SUGCT: variants seen among roughly 807,000 people sequenced by gnomAD.
SUGCT encodes the protein succinyl-CoA:glutarate-CoA transferase.
SUGCT carries 41 observed loss-of-function variants against 55.0 expected under a neutral mutation model. That is an observed-to-expected ratio of 0.74 (90% CI 0.58 to 0.97). SUGCT has a LOEUF of 0.97. Among genes scored for constraint, SUGCT ranks in the 50% least tolerant of loss-of-function variants. SUGCT has a pLI of 0.00. For missense variants in SUGCT, 568 were observed against 547.8 expected (o/e 1.04, Z -0.37); for synonymous variants, 187 against 200.4 (o/e 0.93, Z 0.56).
chr7:40,986,985 CTA>C, the SUGCT span, among the ~76,000 whole-genome samples: 1 of 152,096 alleles, frequency 6.6e-6, no homozygotes, highest in East Asian at 1.9e-4. Flanking sequence ...TCTGTATATT[CTA>C]TGTTTTTCCT....
At chr7:40,764,012 G>T (rs538260441) in intron 13 of SUGCT, among the ~76,000 whole-genome samples, 1 of 152,046 alleles carries the variant, frequency 6.6e-6, no homozygotes, top group Admixed American at 6.6e-5. Flanking sequence ...TTCCCCAACT[G>T]TCCTGCAGCA....
At chr7:40,341,708 A>C (rs1797059271) in intron 9 of SUGCT, among the ~76,000 whole-genome samples, 1 of 152,198 alleles carries the variant, frequency 6.6e-6, no homozygotes, top group South Asian at 2.1e-4. Context: ...AACTACACTA[A>C]ACTTGTAAAA....
intron 7 of SUGCT, among the ~76,000 whole-genome samples, chr7:40,264,163 C>T (rs1791402604): frequency 6.6e-6 from 1 of 152,164 alleles, no homozygotes; most frequent in Non-Finnish European, 1.5e-5. Flanking sequence ...AACTCGTGTA[C>T]TTTCCTGCTT....
chr7:40,204,463 C>T (rs545016856), intron 6 of SUGCT, among the ~76,000 whole-genome samples: 1 of 152,074 alleles, frequency 6.6e-6, no homozygotes, highest in East Asian at 1.9e-4. Context: ...CCACCATGCC[C>T]GACTAATTTT....
intron 7 of SUGCT, among the ~76,000 whole-genome samples, chr7:40,265,418 A>G (rs1208804376): frequency 1.3e-5 from 2 of 152,170 alleles, no homozygotes; most frequent in Non-Finnish European, 2.9e-5. Flanking sequence ...AAGATTTTAG[A>G]AACTTAGAAA....
intron 6 of SUGCT, among the ~76,000 whole-genome samples, chr7:40,222,997 C>T (rs200992833): frequency 0.022 from 1,465 of 67,484 alleles, 29 homozygotes; most frequent in African/African-American, 0.09. Context: ...TTCCTTCCTT[C>T]CTTCCTTCCT....
intron 13 of SUGCT, among the ~76,000 whole-genome samples, chr7:40,774,777 T>TAAAAAAAAAA (rs5883739): frequency 7.5e-6 from 1 of 132,628 alleles, no homozygotes. Flanking sequence ...TTTTGGCAAA[T>TAAAAAAAAAA]AAAAAAAAAA....
At chr7:40,170,315 T>C (rs1025191797) in intron 1 of SUGCT, among the ~76,000 whole-genome samples, 12 of 152,204 alleles carry the variant, frequency 7.9e-5, no homozygotes, top group Non-Finnish European at 7.3e-5. Context: ...TATCTCTCCA[T>C]GTCAGATCAA....
chr7:40,468,238 C>T (rs1329596488), intron 11 of SUGCT, among the ~76,000 whole-genome samples: 1 of 152,126 alleles, frequency 6.6e-6, no homozygotes, highest in African/African-American at 2.4e-5. Context: ...TTCTCCTGTG[C>T]CATTTTTATG....
At chr7:40,865,628 T>G (rs2128812074), downstream of SUGCT, among the ~76,000 whole-genome samples, 1 of 152,310 alleles carries the variant, frequency 6.6e-6, no homozygotes. Context: ...AGCTTGGGTC[T>G]TGCTGTTGTG....
chr7:41,002,953 C>G, the SUGCT span, among the ~76,000 whole-genome samples: 3 of 152,012 alleles, frequency 2.0e-5, no homozygotes, highest in South Asian at 2.1e-4. Flanking sequence ...GCACAGTGCC[C>G]TGCCCATAGG....
At chr7:40,240,655 G>A (rs1789320540) in intron 7 of SUGCT, among the ~76,000 whole-genome samples, 1 of 152,188 alleles carries the variant, frequency 6.6e-6, no homozygotes, top group Non-Finnish European at 1.5e-5. Flanking sequence ...TAACCAGCCA[G>A]TGCACACACA....
At position 40,509,909 on chromosome 7, in the gene SUGCT, C is replaced by T. The variant is rs940561814; in HGVS notation, c.1089+13523C>T. Among the ~76,000 whole-genome samples the T allele has an allele frequency of 3.3e-5, 5 of 152,126 alleles. No individual in the cohort carries two copies. The East Asian group carries it at 9.6e-4, about 29-fold the overall frequency. On this transcript the variant is annotated intron_variant, in intron 12 of 13. Transcript: ENST00000335693. ...GGTGTAGAGTTATTGCTCCATTGTA[C>T]CCGCAACCTGAATGTTCCAACTTTA... is the stretch of plus-strand genomic sequence containing the variant.
In SUGCT at chr7:40,405,022, A is replaced by G. The variant is rs79645280; in HGVS notation, c.817-44265A>G. On this transcript the variant is annotated intron_variant, in intron 9 of 13. Coordinates refer to ENST00000335693, the MANE Select transcript of SUGCT (RefSeq NM_001193313.2). Reference sequence around the variant, plus strand: ...ATGCTGAGCCAGGGAATGTTTTTCAATTTTTAGGCCTCTTTATTACCTGAA... The same window carrying G: ...ATGCTGAGCCAGGGAATGTTTTTCAGTTTTTAGGCCTCTTTATTACCTGAA... 8.2e-3 allele frequency among the ~76,000 whole-genome samples: 1,250 copies of G among 152,252 alleles called. 14 individuals are homozygous for G. Among genetic ancestry groups the G allele is most frequent in the African/African-American group, 0.029 (1,187 of 41,542 alleles).
intron 9 of SUGCT, among the ~76,000 whole-genome samples, chr7:40,414,587 A>G (rs1213409168): frequency 6.6e-6 from 1 of 152,026 alleles, no homozygotes; most frequent in Non-Finnish European, 1.5e-5. Context: ...TTCTATAATA[A>G]TGGGTATTGT....
At chr7:40,824,438 TAAAGG>T (rs1350827880) in intron 13 of SUGCT, among the ~76,000 whole-genome samples, 3 of 150,154 alleles carry the variant, frequency 2.0e-5, no homozygotes, top group South Asian at 4.3e-4. Context: ...CTTGTGCAGA[TAAAGG>T]AGTTTTCTTA....
chr7:41,036,547 T>C, the SUGCT span, among the ~76,000 whole-genome samples: 1 of 152,154 alleles, frequency 6.6e-6, no homozygotes, highest in Non-Finnish European at 1.5e-5. Context: ...TCCACTCCCT[T>C]GACTGTCTCA....
intron 12 of SUGCT, among the ~76,000 whole-genome samples, chr7:40,552,410 A>G (rs1012552877): frequency 6.6e-6 from 1 of 151,892 alleles, no homozygotes; most frequent in Admixed American, 6.5e-5. Context: ...CTGGGGCTGC[A>G]CTCTCTGAGC....
intron 12 of SUGCT, among the ~76,000 whole-genome samples, chr7:40,710,679 A>G (rs910061204): frequency 9.2e-5 from 14 of 152,226 alleles, no homozygotes; most frequent in Non-Finnish European, 1.8e-4. Flanking sequence ...TCTAGGAAAA[A>G]AAGAGATGCT....
Sources: gnomAD v4.1 joint callset for allele counts (sites outside exome capture counted in the v4.1 genomes callset) on GRCh38, gnomAD v4.1.1 for gene constraint, MANE v1.5 for transcripts, NCBI Gene and HGNC (gene_info 2026-07-23, HGNC 2026-07-21) for gene names.